Variants in FAM117B observed in about 807,000 individuals in gnomAD.
FAM117B encodes protein FAM117B.
Under a neutral mutation model 52.8 loss-of-function variants are expected in FAM117B, and 22 were observed. That is an observed-to-expected ratio of 0.42 (90% confidence interval 0.30 to 0.59). The LOEUF is 0.59. FAM117B is among the 20% of genes least tolerant of loss of function. FAM117B has a pLI of 0.22. For missense variants in FAM117B, 678 were observed against 802.6 expected, an observed-to-expected ratio of 0.84 and a Z score of 1.88; for synonymous variants, 309 against 324.1, an observed-to-expected ratio of 0.95 and a Z score of 0.50.
rs1156561288 is a variant in FAM117B at position 202,635,710 on chromosome 2, C to T, written c.523C>T (p.Arg175Trp). 4.9e-6 allele frequency: 7 copies of T among 1,435,162 alleles called. No individual in the cohort carries two copies. The Admixed American group carries it at 7.9e-5, about 16-fold the overall frequency. 88.9% of individuals were successfully genotyped at this position (1,435,162 alleles called of 1,614,324 possible). Residue 175 changes from arginine (R) to tryptophan (W), a missense_variant, in exon 1 of 8, where the codon CGG becomes TGG. By Grantham distance (101) the Arg-to-Trp change is moderately radical. Around this residue, in one of 3 missense-constraint regions of FAM117B, gnomAD observed 583 missense variants for 644.8 expected, o/e 0.90. Transcript: ENST00000392238. ...VSAAPPPARV[R>W]HRRRSPEQSR... ...CGCGGCCCCACCCCCAGCCCGCGTC[C>T]GGCATCGGAGGAGGTCTCCGGAGCA...
intron 1 of FAM117B, among the ~76,000 whole-genome samples, chr2:202,685,773 A>G (rs960186210): frequency 5.3e-5 from 8 of 152,156 alleles, no homozygotes; most frequent in Admixed American, 2.6e-4. Context: ...CTGTACACAA[A>G]AGTGAACTCC....
At chr2:202,638,107 C>T (rs1472558635) in intron 1 of FAM117B, among the ~76,000 whole-genome samples, 1 of 152,150 alleles carries the variant, frequency 6.6e-6, no homozygotes, top group Admixed American at 6.5e-5. Flanking sequence ...AGCTCCCAAC[C>T]TCAGGTGACC....
Position 202,741,407 on chromosome 2 carries a change from ACT to A in FAM117B, c.961-14128_961-14127del, listed in dbSNP as rs1282297503. Among the ~76,000 whole-genome samples the A allele has an allele frequency of 1.4e-4, 13 of 95,534 alleles. No homozygotes were observed. The Admixed American group carries it at 1.5e-3, about 11-fold the overall frequency. 62.7% of individuals were successfully genotyped at this position (95,534 alleles called of 152,430 possible). On this transcript the variant is annotated intron_variant, in intron 4 of 7. Transcript: ENST00000392238. ...CACTCTAGCCTGGTGACAGAGCAAGACTCTGTCTCAAAAAAAAAAAAAAAAAA... is the reference window on the plus strand; with the variant it reads ...CACTCTAGCCTGGTGACAGAGCAAGACTGTCTCAAAAAAAAAAAAAAAAAA...
intron 2 of FAM117B, among the ~76,000 whole-genome samples, chr2:202,715,325 C>T (rs1271210891): frequency 4.4e-4 from 66 of 151,012 alleles, no homozygotes; most frequent in Non-Finnish European, 5.5e-4. Flanking sequence ...CCCTCCCGGA[C>T]GGGGTGGCTG....
At chr2:202,689,098 T>C (rs1180157202) in intron 1 of FAM117B, among the ~76,000 whole-genome samples, 4 of 152,214 alleles carry the variant, frequency 2.6e-5, no homozygotes, top group Non-Finnish European at 5.9e-5. Flanking sequence ...TATAAAATCA[T>C]ATGTATGTCC....
chr2:202,651,512 A>G lies in FAM117B; in HGVS notation c.601+15724A>G, dbSNP rs372471487. Among the ~76,000 whole-genome samples, 67 of 150,300 alleles carry G rather than the reference A, an allele frequency of 4.5e-4. No homozygotes were observed. The East Asian group carries it at 0.011, about 24-fold the overall frequency. On this transcript the variant is annotated intron_variant, in intron 1 of 7. Coordinates refer to ENST00000392238, the MANE Select transcript of FAM117B (RefSeq NM_173511.4). ...CTCGGCCTCCTGAGTAGCTGGGATTATAGTCGCTCACGACCATGCCTGGTT... is the reference window on the plus strand; with the variant it reads ...CTCGGCCTCCTGAGTAGCTGGGATTGTAGTCGCTCACGACCATGCCTGGTT...
intron 2 of FAM117B, among the ~76,000 whole-genome samples, chr2:202,717,944 C>T (rs1162792112): frequency 6.6e-6 from 1 of 152,128 alleles, no homozygotes; most frequent in African/African-American, 2.4e-5. Flanking sequence ...GAGCCAGGGA[C>T]TAGAGTCAAA....
At chr2:202,668,147 T>A (rs1485069504) in intron 1 of FAM117B, among the ~76,000 whole-genome samples, 1 of 140,406 alleles carries the variant, frequency 7.1e-6, no homozygotes, top group African/African-American at 2.8e-5. Flanking sequence ...TAAAAATATA[T>A]AAATATATAA....
At position 202,765,725 on chromosome 2, in the gene FAM117B, A is replaced by G. The variant is rs746135008; in HGVS notation, c.1731A>G (p.Leu577=). The G allele has an allele frequency of 6.2e-7, 1 of 1,613,890 alleles. No individual in the cohort carries two copies. The highest frequency in any genetic ancestry group is 1.1e-5 in the South Asian group (1 of 91,048). The change falls in exon 8 of 8, where the codon CTA becomes CTG. Residue 577 remains leucine, a synonymous_variant. Coordinates refer to ENST00000392238, the MANE Select transcript of FAM117B (RefSeq NM_173511.4). ...GTSTVMPSAS[L]LPPPEPIEEA... is the part of the protein sequence containing the mutation. ...GTACAGTCATGCCATCAGCTTCTCTACTCCCACCACCAGAACCAATTGAGG... is the reference window on the plus strand; with the variant it reads ...GTACAGTCATGCCATCAGCTTCTCTGCTCCCACCACCAGAACCAATTGAGG...
In FAM117B at chr2:202,673,433, G is replaced by GTTTTTT. The variant is rs1158185300; in HGVS notation, c.602-22421_602-22416dup. Among the ~76,000 whole-genome samples the GTTTTTT allele has an allele frequency of 4.6e-3, 174 of 37,538 alleles. 17 individuals carry two copies. Among genetic ancestry groups the GTTTTTT allele is most frequent in the African/African-American group, 9.1e-3 (59 of 6,450 alleles). The allele number at this position is 37,538 out of a possible 152,430, so 24.6% of individuals were successfully genotyped here. On this transcript the variant is annotated intron_variant, in intron 1 of 7. Coordinates refer to ENST00000392238, the MANE Select transcript of FAM117B (RefSeq NM_173511.4). ...TAGCCTACCCTATTTTTCTTTTTCT[G>GTTTTTT]TTTTTTTTTTTTTTTTTTTTTTTTT...
intron 1 of FAM117B, among the ~76,000 whole-genome samples, chr2:202,652,745 A>C (rs1455071299): frequency 6.6e-6 from 1 of 152,186 alleles, no homozygotes; most frequent in Non-Finnish European, 1.5e-5. Context: ...CCTGGAAATT[A>C]ATTTAATGTC....
intron 7 of FAM117B, among the ~76,000 whole-genome samples, chr2:202,762,523 A>G (rs1691906145): frequency 6.6e-6 from 1 of 152,222 alleles, no homozygotes; most frequent in Admixed American, 6.5e-5. Flanking sequence ...TTTAAGTTAT[A>G]TCTACTTTGA....
chr2:202,726,153 T>TA, intron 3 of FAM117B, 97 bp from the exon 4 acceptor site: 1 of 747,840 alleles, frequency 1.3e-6, no homozygotes. Context: ...TCAAAGGACT[T>TA]ATTAAGGGTA....
At chr2:202,666,385 G>C (rs1258159534) in intron 1 of FAM117B, among the ~76,000 whole-genome samples, 1 of 151,586 alleles carries the variant, frequency 6.6e-6, no homozygotes. Context: ...ATGTTTATTG[G>C]TGTTACACGT....
intron 4 of FAM117B, among the ~76,000 whole-genome samples, chr2:202,740,138 A>C (rs1247802696): frequency 7.8e-6 from 1 of 128,726 alleles, no homozygotes; most frequent in African/African-American, 2.9e-5. Flanking sequence ...GCATCACTGC[A>C]CTCCAGCCTG....
chr2:202,756,220 C>CAG (rs1691798481), intron 5 of FAM117B, among the ~76,000 whole-genome samples: 1 of 152,078 alleles, frequency 6.6e-6, no homozygotes, highest in Admixed American at 6.5e-5. Context: ...AGTTCAAGAC[C>CAG]CATCTGGCCA....
At chr2:202,677,974 G>A (rs984648402) in intron 1 of FAM117B, among the ~76,000 whole-genome samples, 12 of 152,038 alleles carry the variant, frequency 7.9e-5, no homozygotes, top group African/African-American at 9.7e-5. Context: ...AAACCATTTC[G>A]TGAATAAAAC....
chr2:202,648,221 A>T (rs1211430990), intron 1 of FAM117B, among the ~76,000 whole-genome samples: 1 of 152,152 alleles, frequency 6.6e-6, no homozygotes, highest in Non-Finnish European at 1.5e-5. Flanking sequence ...AGATATATGC[A>T]TATGTCAGCT....
intron 2 of FAM117B, among the ~76,000 whole-genome samples, chr2:202,717,625 G>C (rs1192754741): frequency 6.6e-6 from 1 of 152,204 alleles, no homozygotes; most frequent in Admixed American, 6.5e-5. Flanking sequence ...ACAAGGCAGA[G>C]ACCCTTGTTC....
Sources: gnomAD v4.1 joint callset for allele counts (sites outside exome capture counted in the v4.1 genomes callset) on GRCh38, gnomAD v4.1.1 for gene constraint, gnomAD v4.1.1 regional missense constraint, MANE v1.5 for transcripts, NCBI Gene and HGNC (gene_info 2026-07-23, HGNC 2026-07-21) for gene names.